The following PTCHD4 variants were observed in gnomAD, a reference collection of about 807,000 sequenced individuals.
PTCHD4 encodes the protein patched domain-containing protein 4.
A neutral mutation model predicts 58.1 loss-of-function variants in PTCHD4; 33 were observed. The ratio of observed to expected loss-of-function variants is 0.57; its 90% CI spans 0.43 to 0.76. PTCHD4 has a LOEUF of 0.76. PTCHD4 is among the 30% of genes least tolerant of loss of function. The pLI, the probability that PTCHD4 is intolerant of heterozygous loss-of-function variation, is 0.00. For synonymous variants in PTCHD4, 478 were observed against 409.6 expected, an observed-to-expected ratio of 1.17 and a Z score of -2.02; for missense variants, 1,058 against 1,027.1, an observed-to-expected ratio of 1.03 and a Z score of -0.41.
Position 47,879,238 on chromosome 6 carries a change from C to T in PTCHD4, c.1597G>A (p.Asp533Asn). The T allele has an allele frequency of 6.2e-7, 1 of 1,612,910 alleles. No homozygotes were observed. The highest frequency in any genetic ancestry group is 8.5e-7 in the Non-Finnish European group (1 of 1,179,500). Residue 533 changes from aspartate to asparagine, a missense_variant, in exon 5 of 5, where the codon GAT becomes AAT. Transcript: ENST00000339488. ...CCACTACAGAGTCTTCTTAGGTCAT[C>T]CTGGACGCTGCTGTTCCAGTACTCT... is the stretch of plus-strand genomic sequence containing the variant. Reference protein sequence around the residue: ...PLEYWNSSVQDDLRRLCSGFT... With the variant: ...PLEYWNSSVQNDLRRLCSGFT...
At chr6:48,088,024 T>C (rs554633565) in intron 1 of PTCHD4, among the ~76,000 whole-genome samples, 1 of 152,290 alleles carries the variant, frequency 6.6e-6, no homozygotes, top group African/African-American at 2.4e-5. Flanking sequence ...AAAGTAAGAC[T>C]GTAGCCATAA....
chr6:48,107,747 T>A (rs1412476894), intron 1 of PTCHD4, among the ~76,000 whole-genome samples: 2 of 152,040 alleles, frequency 1.3e-5, no homozygotes, highest in Non-Finnish European at 2.9e-5. Context: ...CTCAAACAAA[T>A]TTATAAGAAA....
intron 4 of PTCHD4, among the ~76,000 whole-genome samples, chr6:47,962,526 T>C (rs942140388): frequency 2.6e-5 from 4 of 152,186 alleles, no homozygotes; most frequent in Admixed American, 6.5e-5. Context: ...GCTCTTGTGA[T>C]AGTGAGTGAG....
At chr6:48,067,642 T>C (rs1360471997) in intron 3 of PTCHD4, among the ~76,000 whole-genome samples, 1 of 152,052 alleles carries the variant, frequency 6.6e-6, no homozygotes, top group Non-Finnish European at 1.5e-5. Flanking sequence ...AAGATGTAAA[T>C]AGGTGGATAT....
chr6:47,937,428 A>T (rs1328715452), intron 4 of PTCHD4, among the ~76,000 whole-genome samples: 1 of 152,200 alleles, frequency 6.6e-6, no homozygotes, highest in African/African-American at 2.4e-5. Flanking sequence ...AGAGCTGGTA[A>T]GGATTATTCC....
At chr6:48,102,514 G>A (rs1175183876) in intron 1 of PTCHD4, among the ~76,000 whole-genome samples, 1 of 152,188 alleles carries the variant, frequency 6.6e-6, no homozygotes, top group East Asian at 1.9e-4. Flanking sequence ...AACAGCTCCA[G>A]TCTACAGTTC....
chr6:48,003,049 TG>T (rs1768798618), intron 4 of PTCHD4, among the ~76,000 whole-genome samples: 2 of 152,186 alleles, frequency 1.3e-5, no homozygotes, highest in African/African-American at 2.4e-5. Flanking sequence ...GCTATTTTTC[TG>T]CCTGATCCTT....
intron 3 of PTCHD4, among the ~76,000 whole-genome samples, chr6:48,023,520 G>A (rs1763138637): frequency 6.6e-6 from 1 of 152,114 alleles, no homozygotes; most frequent in Admixed American, 6.6e-5. Context: ...CACTACATAA[G>A]CATGAATGCA....
intron 4 of PTCHD4, among the ~76,000 whole-genome samples, chr6:48,005,292 A>C (rs1762392209): frequency 6.6e-6 from 1 of 152,226 alleles, no homozygotes; most frequent in Non-Finnish European, 1.5e-5. Context: ...GATGATACTG[A>C]TAAGCATGAA....
intron 1 of PTCHD4, among the ~76,000 whole-genome samples, chr6:48,093,065 T>A (rs192125116): frequency 2.5e-3 from 382 of 152,330 alleles, no homozygotes; most frequent in Non-Finnish European, 4.6e-3. Context: ...ACAACAGACT[T>A]CCCTGGCATG....
chr6:47,898,920 T>C (rs2114141991), intron 4 of PTCHD4, among the ~76,000 whole-genome samples: 1 of 152,284 alleles, frequency 6.6e-6, no homozygotes, highest in South Asian at 2.1e-4. Context: ...ATTCCCTCTG[T>C]TTCTCCAATG....
At chr6:48,018,600 A>G (rs1407487925) in intron 3 of PTCHD4, among the ~76,000 whole-genome samples, 1 of 152,194 alleles carries the variant, frequency 6.6e-6, no homozygotes, top group South Asian at 2.1e-4. Flanking sequence ...GATATAAATC[A>G]CCTCTGTAGC....
chr6:47,998,904 G>T (rs892097914), intron 4 of PTCHD4, among the ~76,000 whole-genome samples: 2 of 152,102 alleles, frequency 1.3e-5, no homozygotes, highest in Non-Finnish European at 2.9e-5. Flanking sequence ...CATAAAAATA[G>T]GCACATTAAA....
intron 4 of PTCHD4, among the ~76,000 whole-genome samples, chr6:47,912,420 G>C (rs1475759900): frequency 1.3e-5 from 2 of 152,078 alleles, no homozygotes; most frequent in African/African-American, 4.8e-5. Flanking sequence ...CTGTAAAACT[G>C]GCCTTGCCAA....
chr6:47,979,861 G>A (rs1767817277), intron 4 of PTCHD4, among the ~76,000 whole-genome samples: 1 of 151,940 alleles, frequency 6.6e-6, no homozygotes, highest in Non-Finnish European at 1.5e-5. Flanking sequence ...ATTGACCACT[G>A]CTCATTCATA....
At chr6:48,019,819 C>G (rs1193978924) in intron 3 of PTCHD4, among the ~76,000 whole-genome samples, 1 of 152,026 alleles carries the variant, frequency 6.6e-6, no homozygotes, top group Non-Finnish European at 1.5e-5. Context: ...AATCGCCTAA[C>G]TTAGTGGGTA....
intron 4 of PTCHD4, among the ~76,000 whole-genome samples, chr6:47,954,773 G>C (rs1297386493): frequency 1.3e-5 from 2 of 152,200 alleles, no homozygotes; most frequent in African/African-American, 4.8e-5. Context: ...TCCCCTATCT[G>C]TAAGTGTAGT....
chr6:47,892,418 C>T (rs943113322), intron 4 of PTCHD4, among the ~76,000 whole-genome samples: 1 of 152,098 alleles, frequency 6.6e-6, no homozygotes, highest in African/African-American at 2.4e-5. Flanking sequence ...CTGAGTGCTG[C>T]CCGGTAAGAT....
At chr6:48,094,540 T>C (rs1259063077) in intron 1 of PTCHD4, among the ~76,000 whole-genome samples, 1 of 152,166 alleles carries the variant, frequency 6.6e-6, no homozygotes, top group African/African-American at 2.4e-5. Flanking sequence ...TGACAGAACA[T>C]TAGAAGATAT....
Sources: gnomAD v4.1 joint callset for allele counts (sites outside exome capture counted in the v4.1 genomes callset) on GRCh38, gnomAD v4.1.1 for gene constraint, MANE v1.5 for transcripts, NCBI Gene and HGNC (gene_info 2026-07-23, HGNC 2026-07-21) for gene names.